The following TIA1 variants were observed in gnomAD, a reference collection of about 807,000 sequenced individuals.
TIA1 encodes cytotoxic granule associated RNA binding protein TIA1.
TIA1 carries 23 observed loss-of-function variants against 65.9 expected under a neutral mutation model. That is an observed-to-expected ratio of 0.35 (90% CI 0.25 to 0.49). TIA1 has a LOEUF of 0.49. Among genes scored for constraint, TIA1 ranks in the 20% least tolerant of loss-of-function variants. The pLI is 0.98. For missense variants in TIA1, 371 were observed against 477.9 expected, an observed-to-expected ratio of 0.78 and a Z score of 2.09; for synonymous variants, 147 against 149.4, an observed-to-expected ratio of 0.98 and a Z score of 0.12.
chr2:70,240,346 T>C (rs1691102308), intron 1 of TIA1, among the ~76,000 whole-genome samples: 1 of 152,160 alleles, frequency 6.6e-6, no homozygotes, highest in Admixed American at 6.5e-5. Context: ...AATAAAACAA[T>C]TCCATGAATC....
In TIA1 at chr2:70,221,054, T is replaced by C. The variant is rs1329748728; in HGVS notation, c.474+3500A>G. Among the ~76,000 whole-genome samples the C allele has an allele frequency of 2.0e-5, 3 of 152,094 alleles. No homozygotes were observed. In the South Asian group the frequency reaches 6.2e-4, roughly 31 times the overall value. On this transcript the variant is annotated intron_variant, in intron 7 of 12. Coordinates refer to ENST00000433529, the MANE Select transcript of TIA1 (RefSeq NM_022173.4). ...CGGAGTCTCACTCTGTTGCCCAGGCTGGAGTGCAGTGGCATAATCTCAGCT... is the reference window on the plus strand; with the variant it reads ...CGGAGTCTCACTCTGTTGCCCAGGCCGGAGTGCAGTGGCATAATCTCAGCT...
intron 7 of TIA1, among the ~76,000 whole-genome samples, chr2:70,218,755 G>A (rs1376123774): frequency 6.6e-6 from 1 of 152,364 alleles, no homozygotes; most frequent in South Asian, 2.1e-4. Context: ...TTAGCGCTAA[G>A]AGGAGAATGG....
At chr2:70,218,908 G>GA (rs2104028373) in intron 7 of TIA1, among the ~76,000 whole-genome samples, 1 of 152,342 alleles carries the variant, frequency 6.6e-6, no homozygotes, top group South Asian at 2.1e-4. Flanking sequence ...ATGGGGGCTG[G>GA]AGGGGACACC....
intron 1 of TIA1, among the ~76,000 whole-genome samples, chr2:70,240,504 C>T (rs1691178514): frequency 6.6e-6 from 1 of 152,128 alleles, no homozygotes; most frequent in Non-Finnish European, 1.5e-5. Flanking sequence ...GTGGGTGGAT[C>T]CCTTGAACCC....
chr2:70,240,528 C>T (rs1283178429), intron 1 of TIA1, among the ~76,000 whole-genome samples: 1 of 152,082 alleles, frequency 6.6e-6, no homozygotes, highest in Admixed American at 6.6e-5. Flanking sequence ...AGTTTGAGTC[C>T]AGCCTGGGAA....
At chr2:70,215,895 T>C (rs1344532108) in intron 10 of TIA1, among the ~76,000 whole-genome samples, 1 of 152,106 alleles carries the variant, frequency 6.6e-6, no homozygotes, top group Admixed American at 6.6e-5. Flanking sequence ...ATTACAGGCA[T>C]GCACCGCCAT....
At chr2:70,238,762 G>A (rs1397700864) in intron 1 of TIA1, among the ~76,000 whole-genome samples, 1 of 152,014 alleles carries the variant, frequency 6.6e-6, no homozygotes, top group Admixed American at 6.6e-5. Flanking sequence ...TTCATTTAAA[G>A]GGTTTAGATT....
chr2:70,214,300 C>A, intron 12 of TIA1, 49 bp downstream of exon 12: 1 of 1,553,388 alleles, frequency 6.4e-7, no homozygotes, highest in East Asian at 2.3e-5. Flanking sequence ...CTTAAAATTT[C>A]TTTAGACATT....
At chr2:70,231,240 T>G (rs778595652) in intron 2 of TIA1, among the ~76,000 whole-genome samples, 1 of 152,104 alleles carries the variant, frequency 6.6e-6, no homozygotes, top group Non-Finnish European at 1.5e-5. Flanking sequence ...AGGTGGAGGT[T>G]GCAGTAAGCT....
At position 70,228,885 on chromosome 2, in the gene TIA1, C is replaced by T. The variant is rs762601316; in HGVS notation, c.310+174G>A. ...AAAGCTTGAACTAGCACCAAAGTAG[C>T]GGACAAGTTATACTTGGTCAACACT... is the stretch of plus-strand genomic sequence containing the variant. On this transcript the variant is annotated intron_variant, in intron 5 of 12. Coordinates refer to ENST00000433529, the MANE Select transcript of TIA1 (RefSeq NM_022173.4). 829 of 1,446,580 alleles carry T rather than the reference C, an allele frequency of 5.7e-4. 1 individual carries two copies. The highest frequency in any genetic ancestry group is 7.1e-4 in the Non-Finnish European group (777 of 1,100,648). 89.6% of individuals were successfully genotyped at this position (1,446,580 alleles called of 1,614,324 possible).
At chr2:70,226,627 C>G (rs1196962072) in intron 6 of TIA1, among the ~76,000 whole-genome samples, 1 of 152,124 alleles carries the variant, frequency 6.6e-6, no homozygotes, top group Non-Finnish European at 1.5e-5. Context: ...CAAAATTGTG[C>G]ATAGAGATTT....
At chr2:70,239,961 T>C (rs921161270) in intron 1 of TIA1, among the ~76,000 whole-genome samples, 1 of 152,210 alleles carries the variant, frequency 6.6e-6, no homozygotes, top group East Asian at 1.9e-4. Context: ...TTAATAAATG[T>C]AGAAAGATAG....
chr2:70,228,161 T>A (rs1425848029), intron 5 of TIA1, among the ~76,000 whole-genome samples: 3 of 152,218 alleles, frequency 2.0e-5, no homozygotes, highest in Admixed American at 1.3e-4. Flanking sequence ...GTTACCATTC[T>A]AATAATAATT....
chr2:70,247,198 A>G (rs1694753272), intron 1 of TIA1, among the ~76,000 whole-genome samples: 1 of 152,208 alleles, frequency 6.6e-6, no homozygotes, highest in Non-Finnish European at 1.5e-5. Flanking sequence ...ATACTTTCTG[A>G]GCCTCAGGAA....
chr2:70,214,218 GT>G (rs1677576059), intron 12 of TIA1, 130 bp downstream of exon 12: 1 of 1,003,348 alleles, frequency 1.0e-6, no homozygotes, highest in South Asian at 2.1e-5. Context: ...ACAATTTTAA[GT>G]TCTTTCAAGG....
rs1306434191 is a variant in TIA1, at chr2:70,229,269, G to C, written c.272C>G (p.Thr91Arg). The change falls in exon 4 of 13, where the codon ACA becomes AGA. Residue 91 changes from threonine to arginine, a missense_variant. By Grantham distance (71) the Thr-to-Arg change is moderately conservative. Transcript: ENST00000433529. ...AGAGCATAAAATATACTTACTGCTT[G>C]TATCTTTCTTTTGACTGCTAGGGGT... ...ATTPSSQKKD[T>R]SSSTVVSTQR... 6.2e-7 allele frequency: 1 copy of C among 1,613,322 alleles called. No individual in the cohort carries two copies. Among genetic ancestry groups the C allele is most frequent in the African/African-American group, 1.3e-5 (1 of 74,786 alleles).
At chr2:70,242,827 G>C (rs1427175066) in intron 1 of TIA1, among the ~76,000 whole-genome samples, 4 of 152,018 alleles carry the variant, frequency 2.6e-5, no homozygotes, top group Non-Finnish European at 2.9e-5. Flanking sequence ...TTCCTTATGA[G>C]AATTTATCTA....
At chr2:70,221,892 A>AT (rs1160463831) in intron 7 of TIA1, among the ~76,000 whole-genome samples, 1 of 151,820 alleles carries the variant, frequency 6.6e-6, no homozygotes, top group African/African-American at 2.4e-5. Flanking sequence ...GGCTCAGGTG[A>AT]TTCCCCCACC....
intron 7 of TIA1, among the ~76,000 whole-genome samples, chr2:70,217,647 T>A (rs1558772244): frequency 1.3e-5 from 2 of 152,112 alleles, no homozygotes; most frequent in Non-Finnish European, 2.9e-5. Context: ...TCCTCCCAAC[T>A]CGGCCTCTCA....
Sources: gnomAD v4.1 joint callset for allele counts (sites outside exome capture counted in the v4.1 genomes callset) on GRCh38, gnomAD v4.1.1 for gene constraint, MANE v1.5 for transcripts, NCBI Gene and HGNC (gene_info 2026-07-23, HGNC 2026-07-21) for gene names.